ING5: variants seen among roughly 807,000 people sequenced by gnomAD.
The protein encoded by ING5 is inhibitor of growth protein 5.
ING5 carries 17 observed loss-of-function variants against 37.4 expected under a neutral mutation model. That is an observed-to-expected ratio of 0.45 (90% CI 0.31 to 0.68). The LOEUF (loss-of-function observed/expected upper bound fraction) is 0.68, where lower values mean the gene tolerates loss of function less well. Among genes scored for constraint, ING5 ranks in the 30% least tolerant of loss-of-function variants. The probability of loss-of-function intolerance (pLI) is 0.05; values close to 1 mark genes in which losing one functional copy is unlikely to be tolerated. For missense variants in ING5, 233 were observed against 311.9 expected, an observed-to-expected ratio of 0.75 and a Z score of 1.91; for synonymous variants, 123 against 116.6, an observed-to-expected ratio of 1.06 and a Z score of -0.36.
At chr2:241,720,849 C>T (rs956789930) in intron 5 of ING5, 2 of 985,746 alleles carry the variant, frequency 2.0e-6, no homozygotes, top group Non-Finnish European at 2.4e-6. Context: ...GGGCTGATAG[C>T]AGCACTCCCT....
chr2:241,692,930 C>T (rs1559294065), intron 2 of ING5, among the ~76,000 whole-genome samples: 1 of 152,144 alleles, frequency 6.6e-6, no homozygotes, highest in African/African-American at 2.4e-5. Flanking sequence ...CACATGAAAA[C>T]TGTTGGTCCT....
In ING5 at chr2:241,712,216, G is replaced by A. The variant is rs932206378; in HGVS notation, c.482+145G>A. 6.5e-5 allele frequency: 44 copies of A among 678,102 alleles called. No homozygotes were observed. In the Admixed American group the frequency reaches 1.1e-3, roughly 17 times the overall value. The allele number at this position is 678,102 out of a possible 1,614,324, so 42.0% of individuals were successfully genotyped here. A position where few individuals can be genotyped will look rare whatever the true frequency, so the allele number is the denominator to read the frequency against. ...CTGATTCTTACGCTGCGCGCCTGTCGTCAGCCTGTCCTCACCGCAGCCTTT... is the reference window on the plus strand; with the variant it reads ...CTGATTCTTACGCTGCGCGCCTGTCATCAGCCTGTCCTCACCGCAGCCTTT... On this transcript the variant is annotated intron_variant, in intron 5 of 7. Transcript: ENST00000313552.
chr2:241,709,700 A>G (rs1442785962), intron 3 of ING5, among the ~76,000 whole-genome samples: 1 of 150,800 alleles, frequency 6.6e-6, no homozygotes, highest in African/African-American at 2.4e-5. Context: ...TCCGCCTCCT[A>G]GGCTCAAGTG....
chr2:241,723,067 A>G lies in ING5; in HGVS notation c.611A>G (p.Asn204Ser). Residue 204 changes from asparagine to serine, a missense_variant, in exon 6 of 8, where the codon AAT becomes AGT. Transcript: ENST00000313552. ...VSYGEMIGCD[N>S]PDCPIEWFHF... is the part of the protein sequence containing the mutation. The stretch of plus-strand genomic sequence containing the variant: ...TATGGGGAGATGATTGGCTGTGACA[A>G]TCCAGACGTGAGTGTCGCCTGCAGG... 1 of 1,614,204 alleles carries G rather than the reference A, an allele frequency of 6.2e-7. No individual in the cohort carries two copies. The highest frequency in any genetic ancestry group is 8.5e-7 in the Non-Finnish European group (1 of 1,180,036).
chr2:241,723,700 CT>C (rs1287715289), intron 7 of ING5: 20 of 1,522,978 alleles, frequency 1.3e-5, no homozygotes, highest in Non-Finnish European at 1.7e-5. Flanking sequence ...GGCTCTGCCC[CT>C]GGCTCTGTCT....
In ING5 at chr2:241,723,385, G is replaced by A. The variant is rs1310378579; in HGVS notation, c.680+114G>A. 3 of 1,131,080 alleles carry A rather than the reference G, an allele frequency of 2.7e-6. No homozygotes were observed. In the Admixed American group the frequency reaches 5.1e-5, roughly 19 times the overall value. The allele number at this position is 1,131,080 out of a possible 1,614,324, so 70.1% of individuals were successfully genotyped here. A position where few individuals can be genotyped will look rare whatever the true frequency, so the allele number is the denominator to read the frequency against. The stretch of plus-strand genomic sequence containing the variant: ...ATCTTGCCGGGCTTAGCGGGACACG[G>A]TAGCCACGTAGGCATGCCCCACTGT... On this transcript the variant is annotated intron_variant, in intron 7 of 7. Transcript: ENST00000313552.
In ING5 at chr2:241,722,960, C is replaced by T. The variant is rs1427642607; in HGVS notation, c.504C>T (p.Ile168=). The T allele has an allele frequency of 1.2e-6, 2 of 1,614,126 alleles. No homozygotes were observed. Among genetic ancestry groups the T allele is most frequent in the East Asian group, 2.2e-5 (1 of 44,874 alleles). The part of the protein sequence containing the change: ...HKGGSEFTDT[I]LSVHPSDVLD... Reference sequence around the variant, plus strand: ...GCAGGTCTGAGTTCACTGACACCATCCTGTCCGTGCACCCCTCTGATGTGC... The same window carrying T: ...GCAGGTCTGAGTTCACTGACACCATTCTGTCCGTGCACCCCTCTGATGTGC... Residue 168 remains isoleucine (I), a synonymous_variant, in exon 6 of 8, where the codon ATC becomes ATT. Transcript: ENST00000313552.
chr2:241,720,294 G>A, intron 5 of ING5: 1 of 1,226,558 alleles, frequency 8.2e-7, no homozygotes, highest in Non-Finnish European at 1.0e-6. Flanking sequence ...GCCCCTCGTG[G>A]TCACGCTGTG....
rs767486538 is a variant in ING5 at position 241,709,355 on chromosome 2, G to A, written c.249G>A (p.Val83=). Residue 83 remains valine, a synonymous_variant, in exon 3 of 8, where the codon GTG becomes GTA. Transcript: ENST00000313552. ...GCAAGGAATACAGTGACGACAAAGT[G>A]CAGCTGGCCATGCAGACCTACGAGA... ...SKCKEYSDDK[V]QLAMQTYEMV... is the part of the protein sequence containing the mutation. 6.2e-7 allele frequency: 1 copy of A among 1,613,730 alleles called. No homozygotes were observed. Among genetic ancestry groups the A allele is most frequent in the Non-Finnish European group, 8.5e-7 (1 of 1,179,922 alleles).
At chr2:241,699,530 C>G (rs573476893), upstream of ING5, among the ~76,000 whole-genome samples, 1 of 152,236 alleles carries the variant, frequency 6.6e-6, no homozygotes, top group South Asian at 2.1e-4. Context: ...CCCGCCTCAG[C>G]CTCTCATGGT....
chr2:241,714,019 G>A lies in ING5; in HGVS notation c.482+1948G>A, dbSNP rs186991566. 2.3e-3 allele frequency among the ~76,000 whole-genome samples: 354 copies of A among 151,668 alleles called. 4 individuals are homozygous for A. The highest frequency in any genetic ancestry group is 7.9e-3 in the African/African-American group (328 of 41,330). On this transcript the variant is annotated intron_variant, in intron 5 of 7. Coordinates refer to ENST00000313552, the MANE Select transcript of ING5 (RefSeq NM_032329.6). Reference sequence around the variant, plus strand: ...AAAAAAAAAAAATCCCAACATTCTCGTATTGTAAAGTAGTGCACAGATACA... The same window carrying A: ...AAAAAAAAAAAATCCCAACATTCTCATATTGTAAAGTAGTGCACAGATACA...
intron 5 of ING5, chr2:241,721,910 G>T (rs890906175): frequency 3.0e-6 from 3 of 985,740 alleles, no homozygotes; most frequent in Non-Finnish European, 3.6e-6. Context: ...CATAGACGGG[G>T]TGGAACACCT....
At chr2:241,701,476 A>C (rs2124869047), upstream of ING5, among the ~76,000 whole-genome samples, 1 of 152,180 alleles carries the variant, frequency 6.6e-6, no homozygotes, top group South Asian at 2.1e-4. Context: ...TGGCGGGGGA[A>C]GGGCGCCAGG....
chr2:241,711,957 T>G, intron 4 of ING5, 21 bp from the exon 5 acceptor site: 7 of 1,550,340 alleles, frequency 4.5e-6, no homozygotes, highest in Non-Finnish European at 4.3e-6. Context: ...AAAAATAATT[T>G]GCATCTTGAT....
intron 5 of ING5, among the ~76,000 whole-genome samples, chr2:241,718,705 C>T (rs1245467119): frequency 6.6e-6 from 1 of 152,158 alleles, no homozygotes; most frequent in Non-Finnish European, 1.5e-5. Context: ...GCGTGAGCTG[C>T]TGTGCCCGGC....
At chr2:241,724,926 C>T (rs1375125499) in intron 7 of ING5, 63 bp from the exon 8 acceptor site, 6 of 1,544,606 alleles carry the variant, frequency 3.9e-6, no homozygotes, top group Non-Finnish European at 5.3e-6. Flanking sequence ...GAGGCGGGCC[C>T]TGGGCACCCT....
chr2:241,702,844 C>G (rs1445023582), intron 1 of ING5, among the ~76,000 whole-genome samples: 1 of 152,264 alleles, frequency 6.6e-6, no homozygotes, highest in East Asian at 1.9e-4. Flanking sequence ...CACGCGGGAC[C>G]CCTGACGTCG....
intron 5 of ING5, among the ~76,000 whole-genome samples, chr2:241,713,157 A>G (rs183559882): frequency 6.1e-4 from 93 of 151,490 alleles, no homozygotes; most frequent in African/African-American, 2.2e-3. Flanking sequence ...CCCAGGTTCA[A>G]GCGATTCTCC....
upstream of ING5, among the ~76,000 whole-genome samples, chr2:241,701,786 C>G (rs940605087): frequency 6.6e-6 from 1 of 152,074 alleles, no homozygotes; most frequent in Admixed American, 6.5e-5. Context: ...TGCCCTGGGC[C>G]GCACGCCGGG....
Sources: gnomAD v4.1 joint callset for allele counts (sites outside exome capture counted in the v4.1 genomes callset) on GRCh38, gnomAD v4.1.1 for gene constraint, MANE v1.5 for transcripts, NCBI Gene and HGNC (gene_info 2026-07-23, HGNC 2026-07-21) for gene names.